Variants in HSD17B11 observed in about 807,000 individuals in gnomAD.
HSD17B11 encodes the protein hydroxysteroid 17-beta dehydrogenase 11, also known as estradiol 17-beta-dehydrogenase 11.
HSD17B11 carries 22 observed loss-of-function variants against 27.8 expected under a neutral mutation model. The ratio of observed to expected loss-of-function variants is 0.79; its 90% CI spans 0.56 to 1.13. The LOEUF is 1.13. HSD17B11 is among the 50% of genes most tolerant of loss of function. The probability of loss-of-function intolerance (pLI) is 0.00; values close to 1 mark genes in which losing one functional copy is unlikely to be tolerated. For missense variants in HSD17B11, 314 were observed against 351.1 expected (o/e 0.89, Z 0.84); for synonymous variants, 117 against 132.8 (o/e 0.88, Z 0.82).
intron 1 of HSD17B11, among the ~76,000 whole-genome samples, chr4:87,389,967 T>A (rs913283948): frequency 1.3e-5 from 2 of 152,122 alleles, no homozygotes; most frequent in African/African-American, 4.8e-5. Flanking sequence ...AAATGTTTTT[T>A]AAAAAAATTT....
intron 2 of HSD17B11, 119 bp downstream of exon 2, chr4:87,382,136 C>G: frequency 1.4e-6 from 1 of 731,356 alleles, no homozygotes; most frequent in Non-Finnish European, 2.3e-6. Flanking sequence ...AGTTCTATAA[C>G]CTTGGTCAAA....
intron 6 of HSD17B11, among the ~76,000 whole-genome samples, chr4:87,337,896 T>C (rs1735080817): frequency 6.6e-6 from 1 of 152,200 alleles, no homozygotes; most frequent in Non-Finnish European, 1.5e-5. Flanking sequence ...CAGTGTTCTT[T>C]TGTGGAATCA....
intron 1 of HSD17B11, among the ~76,000 whole-genome samples, chr4:87,382,833 T>C (rs763094832): frequency 1.3e-5 from 2 of 152,206 alleles, no homozygotes; most frequent in African/African-American, 2.4e-5. Flanking sequence ...TCACTGAGCT[T>C]AGAAAAACCT....
chr4:87,373,709 AAAC>A (rs1735765621), intron 3 of HSD17B11, among the ~76,000 whole-genome samples: 1 of 151,916 alleles, frequency 6.6e-6, no homozygotes, highest in Admixed American at 6.6e-5. Context: ...CCCTGTCTCC[AAAC>A]AACAACAAAA....
intron 2 of HSD17B11, among the ~76,000 whole-genome samples, chr4:87,379,108 C>A (rs1303802743): frequency 6.8e-6 from 1 of 147,832 alleles, no homozygotes; most frequent in Non-Finnish European, 1.5e-5. Flanking sequence ...CAGGCACCTG[C>A]CATCATGCCC....
At chr4:87,380,470 C>CAAAAAAA (rs759061081) in intron 2 of HSD17B11, among the ~76,000 whole-genome samples, 5 of 38,894 alleles carry the variant, frequency 1.3e-4, no homozygotes, top group South Asian at 7.9e-4. Flanking sequence ...AAGACTGTCT[C>CAAAAAAA]AAAAAAAAAA....
At chr4:87,380,919 G>A (rs1275916872) in intron 2 of HSD17B11, among the ~76,000 whole-genome samples, 7 of 143,406 alleles carry the variant, frequency 4.9e-5, no homozygotes, top group Non-Finnish European at 9.0e-5. Context: ...GGTGGCTCAC[G>A]CGTGTAATCC....
chr4:87,376,455 A>AGATCGTGCCACTGTGCTGC (rs2110127054), intron 2 of HSD17B11, among the ~76,000 whole-genome samples: 1 of 142,962 alleles, frequency 7.0e-6, no homozygotes, highest in African/African-American at 2.5e-5. Flanking sequence ...CAGTGAGCTG[A>AGATCGTGCCACTGTGCTGC]GATCGTGCCA....
intron 2 of HSD17B11, 43 bp from the exon 3 acceptor site, chr4:87,374,873 T>C: frequency 1.4e-6 from 2 of 1,468,350 alleles, no homozygotes; most frequent in Non-Finnish European, 9.2e-7. Flanking sequence ...TTAAGAGGTA[T>C]GAGGGTAAGT....
chr4:87,387,615 G>A (rs562298523), intron 1 of HSD17B11, among the ~76,000 whole-genome samples: 1 of 152,288 alleles, frequency 6.6e-6, no homozygotes, highest in East Asian at 1.9e-4. Context: ...AAGAAAAATA[G>A]AGTGGGATGT....
chr4:87,363,440 TG>T (rs772488433), intron 4 of HSD17B11, among the ~76,000 whole-genome samples: 15 of 152,222 alleles, frequency 9.9e-5, no homozygotes, highest in Non-Finnish European at 1.5e-4. Context: ...GGATAAAACA[TG>T]GGCTTAGAAC....
chr4:87,337,802 G>A (rs1735079726), intron 6 of HSD17B11, among the ~76,000 whole-genome samples: 1 of 152,238 alleles, frequency 6.6e-6, no homozygotes, highest in Non-Finnish European at 1.5e-5. Context: ...CAACGCTTTG[G>A]TTTTGAGCAT....
chr4:87,365,961 A>T (rs528253304), intron 4 of HSD17B11: 1 of 152,344 alleles, frequency 6.6e-6, no homozygotes, highest in Non-Finnish European at 1.5e-5. Context: ...GGTTCAAGCA[A>T]TTCTTCTGTC....
At chr4:87,370,655 G>C (rs1735690769) in intron 4 of HSD17B11, among the ~76,000 whole-genome samples, 1 of 151,142 alleles carries the variant, frequency 6.6e-6, no homozygotes, top group Admixed American at 6.6e-5. Flanking sequence ...TTGACCTCGT[G>C]ATCCGCTTGC....
intron 2 of HSD17B11, among the ~76,000 whole-genome samples, chr4:87,380,566 ATC>A (rs1330359689): frequency 6.6e-6 from 1 of 151,678 alleles, no homozygotes; most frequent in Non-Finnish European, 1.5e-5. Flanking sequence ...ACTTCAAAAT[ATC>A]TGATAATGGG....
chr4:87,371,435 G>T (rs1195519191), intron 4 of HSD17B11, among the ~76,000 whole-genome samples: 1 of 152,140 alleles, frequency 6.6e-6, no homozygotes, highest in African/African-American at 2.4e-5. Flanking sequence ...GGAGAGACTG[G>T]TGATTGGGAA....
At chr4:87,345,305 G>A (rs1010899344) in intron 5 of HSD17B11, 1 of 151,990 alleles carries the variant, frequency 6.6e-6, no homozygotes, top group Non-Finnish European at 1.5e-5. Flanking sequence ...CTCATGAGGT[G>A]CAGTGAAAGC....
intron 5 of HSD17B11, among the ~76,000 whole-genome samples, chr4:87,356,378 C>T (rs529267586): frequency 6.6e-6 from 1 of 152,318 alleles, no homozygotes; most frequent in African/African-American, 2.4e-5. Context: ...AAAATCATCA[C>T]TAGGAGATGC....
chr4:87,389,760 T>G (rs1720408120), intron 1 of HSD17B11, among the ~76,000 whole-genome samples: 1 of 152,210 alleles, frequency 6.6e-6, no homozygotes. Context: ...GGCCATCAGG[T>G]ATCTTCTAGA....
Sources: gnomAD v4.1 joint callset for allele counts (sites outside exome capture counted in the v4.1 genomes callset) on GRCh38, gnomAD v4.1.1 for gene constraint, MANE v1.5 for transcripts, NCBI Gene and HGNC (gene_info 2026-07-23, HGNC 2026-07-21) for gene names.